NXPE2: variants seen among roughly 807,000 people sequenced by gnomAD.
The protein encoded by NXPE2 is NXPE family member 2.
A neutral mutation model predicts 34.4 loss-of-function variants in NXPE2; 34 were observed. The observed-to-expected ratio is 0.99, with a 90% CI of 0.75 to 1.31. The LOEUF (loss-of-function observed/expected upper bound fraction) is 1.31, where lower values mean the gene tolerates loss of function less well. Among genes scored for constraint, NXPE2 ranks in the 40% most tolerant of loss-of-function variants. The pLI is 0.00. For synonymous variants in NXPE2, 235 were observed against 231.3 expected, an observed-to-expected ratio of 1.02 and a Z score of -0.15; for missense variants, 649 against 672.5, an observed-to-expected ratio of 0.97 and a Z score of 0.39.
the NXPE2 span, among the ~76,000 whole-genome samples, chr11:114,633,403 T>C: frequency 3.4e-5 from 5 of 145,520 alleles, no homozygotes; most frequent in Admixed American, 7.1e-5. Flanking sequence ...TTATATATTA[T>C]ATTTTATTAT....
chr11:114,643,534 TTTTGTCAGG>T, the NXPE2 span, among the ~76,000 whole-genome samples: 1 of 152,148 alleles, frequency 6.6e-6, no homozygotes. Flanking sequence ...CATTGCTTGT[TTTTGTCAGG>T]TTTGTCAAAG....
the NXPE2 span, among the ~76,000 whole-genome samples, chr11:114,604,975 C>T: frequency 6.6e-6 from 1 of 151,916 alleles, no homozygotes; most frequent in African/African-American, 2.4e-5. Flanking sequence ...CTAGGGTAAC[C>T]ACTGTTACCC....
the NXPE2 span, among the ~76,000 whole-genome samples, chr11:114,639,749 T>C: frequency 3.8e-3 from 496 of 128,978 alleles, 7 homozygotes; most frequent in Non-Finnish European, 6.6e-3. Flanking sequence ...TAATATATAA[T>C]ATATATTATA....
the NXPE2 span, among the ~76,000 whole-genome samples, chr11:114,794,924 C>G: frequency 7.1e-6 from 1 of 140,742 alleles, no homozygotes; most frequent in Non-Finnish European, 1.5e-5. Context: ...GGCAAATTAA[C>G]TGCTTTGGAA....
the NXPE2 span, among the ~76,000 whole-genome samples, chr11:114,631,070 TTGG>T: frequency 1.6e-4 from 24 of 152,000 alleles, 1 homozygote; most frequent in African/African-American, 4.8e-5. Context: ...TTTTACACTG[TTGG>T]TGGGACTGTA....
At chr11:114,663,599 A>G in the NXPE2 span, among the ~76,000 whole-genome samples, 1 of 96,420 alleles carries the variant, frequency 1.0e-5, no homozygotes, top group Non-Finnish European at 2.2e-5. Context: ...CTATCTATCT[A>G]TCTATCTATC....
chr11:114,767,232 G>A, the NXPE2 span, among the ~76,000 whole-genome samples: 1 of 151,798 alleles, frequency 6.6e-6, no homozygotes, highest in Admixed American at 6.6e-5. Flanking sequence ...ATAAATAATA[G>A]TGCTTTCATT....
chr11:114,623,665 C>T, the NXPE2 span, among the ~76,000 whole-genome samples: 1 of 152,080 alleles, frequency 6.6e-6, no homozygotes. Context: ...CCACTCTTAC[C>T]ATGTGGATAA....
At chr11:114,677,359 A>G (rs1482298043), upstream of NXPE2, among the ~76,000 whole-genome samples, 2 of 152,260 alleles carry the variant, frequency 1.3e-5, no homozygotes, top group East Asian at 3.9e-4. Flanking sequence ...CAATGTCTGC[A>G]TACATCAAAA....
At chr11:114,794,137 G>A in the NXPE2 span, among the ~76,000 whole-genome samples, 41 of 152,110 alleles carry the variant, frequency 2.7e-4, no homozygotes, top group African/African-American at 9.2e-4. Context: ...CTCTCCCGTC[G>A]GCTCTCCATC....
At chr11:114,743,599 T>C in the NXPE2 span, among the ~76,000 whole-genome samples, 1 of 152,146 alleles carries the variant, frequency 6.6e-6, no homozygotes, top group East Asian at 1.9e-4. Flanking sequence ...TGCTATTGCC[T>C]ACTTTTTATA....
chr11:114,791,003 G>A, the NXPE2 span, among the ~76,000 whole-genome samples: 1 of 152,000 alleles, frequency 6.6e-6, no homozygotes, highest in East Asian at 1.9e-4. Context: ...TATCTCCAAG[G>A]GGAAGGCAGA....
At chr11:114,666,511 A>G in the NXPE2 span, among the ~76,000 whole-genome samples, 4 of 152,180 alleles carry the variant, frequency 2.6e-5, no homozygotes, top group African/African-American at 7.2e-5. Flanking sequence ...GAACTTTCAA[A>G]GAAAAGGTAA....
the NXPE2 span, among the ~76,000 whole-genome samples, chr11:114,600,292 T>A: frequency 6.6e-6 from 1 of 152,164 alleles, no homozygotes; most frequent in Admixed American, 6.6e-5. Flanking sequence ...TCTGCCAGCC[T>A]TTTCTATAAT....
chr11:114,760,385 C>T, the NXPE2 span, among the ~76,000 whole-genome samples: 1 of 152,184 alleles, frequency 6.6e-6, no homozygotes, highest in Non-Finnish European at 1.5e-5. Context: ...AAATAAATTT[C>T]TGTTGTTTGT....
the NXPE2 span, among the ~76,000 whole-genome samples, chr11:114,495,532 T>C: frequency 6.6e-6 from 1 of 151,840 alleles, no homozygotes; most frequent in East Asian, 2.0e-4. Context: ...GTACCCAAGC[T>C]GCAAAACAAA....
chr11:114,468,146 AAAAT>A, the NXPE2 span, among the ~76,000 whole-genome samples: 72 of 135,448 alleles, frequency 5.3e-4, no homozygotes, highest in African/African-American at 2.0e-3. Flanking sequence ...AAAAAAAAAA[AAAAT>A]TGCAAAAAGT....
the NXPE2 span, among the ~76,000 whole-genome samples, chr11:114,643,570 T>C: frequency 6.6e-6 from 1 of 152,090 alleles, no homozygotes; most frequent in Non-Finnish European, 1.5e-5. Context: ...TGGTTGTAGA[T>C]GTGTGGCGTT....
At chr11:114,730,599 T>TA in the NXPE2 span, among the ~76,000 whole-genome samples, 12 of 152,274 alleles carry the variant, frequency 7.9e-5, no homozygotes, top group South Asian at 2.5e-3. Context: ...GTTCTTCTTG[T>TA]AGAGGTCTTT....
Sources: allele counts gnomAD v4.1 joint callset (sites outside exome capture counted in the v4.1 genomes callset), GRCh38; gene constraint gnomAD v4.1.1; transcripts MANE v1.5; gene names NCBI Gene and HGNC (gene_info 2026-07-23, HGNC 2026-07-21).